SOX30: variants seen among roughly 807,000 people sequenced by gnomAD.
SOX30 encodes the protein SRY-box transcription factor 30.
In SOX30, 17 loss-of-function variants were observed where a neutral mutation model predicts 58.6. The ratio of observed to expected loss-of-function variants is 0.29; its 90% CI spans 0.20 to 0.44. The LOEUF (loss-of-function observed/expected upper bound fraction) is 0.44. SOX30 is among the 20% of genes least tolerant of loss of function. The pLI is 1.00. For synonymous variants in SOX30, 421 were observed against 400.2 expected, an observed-to-expected ratio of 1.05 and a Z score of -0.62; for missense variants, 951 against 965.8, an observed-to-expected ratio of 0.98 and a Z score of 0.20.
Position 157,652,292 on chromosome 5 carries a change from C to G in SOX30, c.-214G>C. 3 of 1,244,562 alleles carry G rather than the reference C, an allele frequency of 2.4e-6. No homozygotes were observed. Among genetic ancestry groups the G allele is most frequent in the Non-Finnish European group, 3.0e-6 (3 of 996,862 alleles). The allele number at this position is 1,244,562 out of a possible 1,614,324, so 77.1% of individuals were successfully genotyped here. On this transcript the variant is annotated 5_prime_UTR_variant, in exon 1 of 5. An upstream open reading frame in the 5' UTR loses its in-frame stop. Transcript: ENST00000265007. The stretch of plus-strand genomic sequence containing the variant: ...CGGGTTTTCCGGCTCTTCCTGGTCC[C>G]TACTCTCGCCTCGTGCTGAGTCCTC...
At chr5:157,650,950 T>C (rs1412861797) in intron 1 of SOX30, among the ~76,000 whole-genome samples, 162 bp downstream of exon 1, 2 of 152,214 alleles carry the variant, frequency 1.3e-5, no homozygotes, top group African/African-American at 2.4e-5. Flanking sequence ...TTTACTGCTA[T>C]ATGTACAAGT....
intron 1 of SOX30, among the ~76,000 whole-genome samples, chr5:157,669,808 G>A (rs950878452): frequency 3.9e-5 from 6 of 152,120 alleles, no homozygotes; most frequent in South Asian, 4.2e-4. Flanking sequence ...CATGAGCCAC[G>A]GCACCCAGCC....
At chr5:157,669,807 C>G (rs1293952482) in intron 1 of SOX30, among the ~76,000 whole-genome samples, 2 of 152,138 alleles carry the variant, frequency 1.3e-5, no homozygotes, top group Admixed American at 1.3e-4. Flanking sequence ...GCATGAGCCA[C>G]GGCACCCAGC....
intron 2 of SOX30, among the ~76,000 whole-genome samples, chr5:157,663,561 C>G (rs920777990): frequency 6.6e-5 from 10 of 152,142 alleles, no homozygotes; most frequent in African/African-American, 2.4e-4. Flanking sequence ...GATGCCCTCT[C>G]TCACCACTCC....
rs148830432 is a variant in SOX30 at position 157,652,353 on chromosome 5, T to C, written c.-275A>G. The stretch of plus-strand genomic sequence containing the variant: ...CCATGGTAGGAGCCGCCGCACTTGT[T>C]GCACATTTTCGTTCTGACTCTCTTG... On this transcript the variant is annotated 5_prime_UTR_variant, in exon 1 of 5. Transcript: ENST00000265007. 853 of 1,183,940 alleles carry C rather than the reference T, an allele frequency of 7.2e-4. 5 individuals are homozygous for C. The African/African-American group carries it at 0.011, about 15-fold the overall frequency. 73.3% of individuals were successfully genotyped at this position (1,183,940 alleles called of 1,614,324 possible).
At chr5:157,642,029 T>G (rs1048326700) in intron 3 of SOX30, among the ~76,000 whole-genome samples, 5 of 152,022 alleles carry the variant, frequency 3.3e-5, no homozygotes, top group Admixed American at 2.0e-4. Context: ...TGAAATCAGC[T>G]TGAGGGCCGG....
At chr5:157,668,981 A>G (rs1759719745) in intron 1 of SOX30, among the ~76,000 whole-genome samples, 2 of 152,190 alleles carry the variant, frequency 1.3e-5, no homozygotes, top group African/African-American at 2.4e-5. Flanking sequence ...CCAGGATTGT[A>G]GAGAGGACCC....
chr5:157,652,109 G>A lies in SOX30; in HGVS notation c.-31C>T, dbSNP rs1359361922. 10 of 1,388,508 alleles carry A rather than the reference G, an allele frequency of 7.2e-6. No individual in the cohort carries two copies. Among genetic ancestry groups the A allele is most frequent in the Non-Finnish European group, 8.3e-6 (9 of 1,079,314 alleles). The allele number at this position is 1,388,508 out of a possible 1,614,324, so 86.0% of individuals were successfully genotyped here. A position where few individuals can be genotyped will look rare whatever the true frequency, so the allele number is the denominator to read the frequency against. ...AGGGGGACGCCCCGGCCAGGATTGT[G>A]AGCTCAGCCGTTTGTTGGCGACCTT... On this transcript the variant is annotated 5_prime_UTR_variant, in exon 1 of 5. Coordinates refer to ENST00000265007, the MANE Select transcript of SOX30 (RefSeq NM_178424.2).
At chr5:157,669,768 C>T (rs536671910) in intron 1 of SOX30, among the ~76,000 whole-genome samples, 27 of 152,224 alleles carry the variant, frequency 1.8e-4, no homozygotes, top group Admixed American at 3.3e-4. Context: ...ATCCGCCCGC[C>T]TTAGCCTCAC....
At chr5:157,664,801 C>A (rs1490237148) in intron 2 of SOX30, among the ~76,000 whole-genome samples, 1 of 152,008 alleles carries the variant, frequency 6.6e-6, no homozygotes, top group African/African-American at 2.4e-5. Context: ...ATGAACAGAC[C>A]CTTCTCAAAA....
chr5:157,646,092 G>A (rs992878174), intron 3 of SOX30, among the ~76,000 whole-genome samples: 1 of 152,054 alleles, frequency 6.6e-6, no homozygotes, highest in Middle Eastern at 3.4e-3. Context: ...AAGATATTAG[G>A]TTGTCAATTT....
chr5:157,661,825 A>G (rs1759582668), intron 2 of SOX30, among the ~76,000 whole-genome samples: 1 of 152,114 alleles, frequency 6.6e-6, no homozygotes, highest in Non-Finnish European at 1.5e-5. Context: ...TTGTTCTATA[A>G]TTTTCTTGTG....
At chr5:157,628,166 A>T (rs6876802) in intron 4 of SOX30, among the ~76,000 whole-genome samples, 15,253 of 151,946 alleles carry the variant, frequency 0.1, 882 homozygotes, top group Middle Eastern at 0.16. Flanking sequence ...AAATTTTTTT[A>T]AAAAAGATTA....
At chr5:157,654,653 A>G (rs1216144170), upstream of SOX30, among the ~76,000 whole-genome samples, 2 of 152,216 alleles carry the variant, frequency 1.3e-5, no homozygotes, top group African/African-American at 4.8e-5. Context: ...TCACAGGATG[A>G]GATAGGAGGC....
upstream of SOX30, among the ~76,000 whole-genome samples, chr5:157,655,596 A>C (rs889360528): frequency 2.0e-4 from 31 of 152,134 alleles, no homozygotes; most frequent in African/African-American, 7.2e-4. Context: ...GTAAAGGGGA[A>C]ACTTGAGAGT....
chr5:157,638,544 A>G lies in SOX30; in HGVS notation c.1566T>C (p.His522=), dbSNP rs941394859. The G allele has an allele frequency of 6.2e-7, 1 of 1,614,172 alleles. No homozygotes were observed. The highest frequency in any genetic ancestry group is 8.5e-7 in the Non-Finnish European group (1 of 1,180,034). Residue 522 remains histidine (H), a synonymous_variant, in exon 4 of 5, where the codon CAT becomes CAC. Transcript: ENST00000265007. ...RFTGPSQTDT[H]QLHSEATHTV... ...TGTGAGTGGCTTCAGAATGCAGCTG[A>G]TGAGTGTCTGTTTGGGAAGGCCCAG...
At chr5:157,642,605 G>C (rs1229711853) in intron 3 of SOX30, among the ~76,000 whole-genome samples, 1 of 151,788 alleles carries the variant, frequency 6.6e-6, no homozygotes, top group African/African-American at 2.4e-5. Flanking sequence ...AAAGAAATGT[G>C]CCTCAAAGTC....
chr5:157,658,615 A>G (rs1759524644), intron 2 of SOX30, among the ~76,000 whole-genome samples: 1 of 152,210 alleles, frequency 6.6e-6, no homozygotes, highest in Admixed American at 6.5e-5. Flanking sequence ...CCCTGAATAC[A>G]AGAGACTCTC....
intron 3 of SOX30, among the ~76,000 whole-genome samples, chr5:157,646,433 T>C (rs1383515754): frequency 2.0e-5 from 3 of 152,218 alleles, no homozygotes; most frequent in Non-Finnish European, 4.4e-5. Context: ...ACACATGGAT[T>C]ATTTGCTACT....
Sources: allele counts gnomAD v4.1 joint callset (sites outside exome capture counted in the v4.1 genomes callset), GRCh38; gene constraint gnomAD v4.1.1; transcripts MANE v1.5; gene names NCBI Gene and HGNC (gene_info 2026-07-23, HGNC 2026-07-21).